Variants in LLGL2 observed in about 807,000 individuals in gnomAD.
The protein encoded by LLGL2 is LLGL scribble cell polarity complex component 2.
A neutral mutation model predicts 123.2 loss-of-function variants in LLGL2; 81 were observed. The observed-to-expected ratio is 0.66, with a 90% confidence interval of 0.55 to 0.79. The LOEUF is 0.79. Ranked by LOEUF, LLGL2 falls within the 30% of genes least tolerant of loss-of-function variation. The pLI is 0.00. For missense variants in LLGL2, 1,273 were observed against 1,414.6 expected (o/e 0.90, Z 1.61); for synonymous variants, 577 against 594.1 (o/e 0.97, Z 0.42).
chr17:75,549,813 C>T lies in LLGL2; in HGVS notation c.76-6233C>T, dbSNP rs920544918. On this transcript the variant is annotated intron_variant, in intron 2 of 25. Coordinates refer to ENST00000392550, the MANE Select transcript of LLGL2 (RefSeq NM_001031803.2). The surrounding 1 kb of genome is among the most constrained non-coding windows in gnomAD (Gnocchi z 4.0). Reference sequence around the variant, plus strand: ...CCCTGGCTGCAGGCAGGATGAAGGCCCCACTGTCTCTGACAGCCAGCCTTT... The same window carrying T: ...CCCTGGCTGCAGGCAGGATGAAGGCTCCACTGTCTCTGACAGCCAGCCTTT... Among the ~76,000 whole-genome samples the T allele has an allele frequency of 5.9e-5, 9 of 152,200 alleles. No homozygotes were observed. Among genetic ancestry groups the T allele is most frequent in the Non-Finnish European group, 1.3e-4 (9 of 68,022 alleles).
chr17:75,571,165 G>A (rs2055691328), intron 17 of LLGL2, 65 bp downstream of exon 17: 4 of 1,466,096 alleles, frequency 2.7e-6, no homozygotes, highest in Non-Finnish European at 3.7e-6. Context: ...CTGACCTGGG[G>A]GCATGCCGGG....
chr17:75,568,796 A>G lies in LLGL2; in HGVS notation c.1279A>G (p.Ser427Gly). Residue 427 changes from serine to glycine, a missense_variant, in exon 12 of 26, where the codon AGC becomes GGC. Physicochemically the swap from Ser to Gly is moderately conservative, Grantham distance 56. Transcript: ENST00000392550. ...TMEWPIDGGT[S>G]LTPAPPQRDL... ...GGAGTGGCCAATTGATGGTGGCACC[A>G]GCCTGACCCCAGCCCCACCCCAGAG... 3 of 1,602,508 alleles carry G rather than the reference A, an allele frequency of 1.9e-6. No individual in the cohort carries two copies. The highest frequency in any genetic ancestry group is 2.6e-6 in the Non-Finnish European group (3 of 1,173,370).
In LLGL2 at chr17:75,568,513, G is replaced by A; in HGVS notation, c.1074G>A (p.Glu358=). 1 of 1,613,462 alleles carries A rather than the reference G, an allele frequency of 6.2e-7. No individual in the cohort carries two copies. Among genetic ancestry groups the A allele is most frequent in the Non-Finnish European group, 8.5e-7 (1 of 1,179,998 alleles). Residue 358 remains glutamate, a synonymous_variant, in exon 11 of 26, where the codon GAG becomes GAA. Coordinates refer to ENST00000392550, the MANE Select transcript of LLGL2 (RefSeq NM_001031803.2). ...DDPYALVVLA[E]EELVVIDLQT... is the part of the protein sequence containing the mutation. ...CCTATGCCCTGGTGGTGCTGGCTGA[G>A]GAGGAGCTGGTGGTGATTGACCTGC...
At chr17:75,536,828 T>TTTATTTA (rs2054019986) in intron 1 of LLGL2, among the ~76,000 whole-genome samples, 1 of 152,214 alleles carries the variant, frequency 6.6e-6, no homozygotes, top group Admixed American at 6.5e-5. Flanking sequence ...CATTTATTTA[T>TTTATTTA]TTATTTATTT....
chr17:75,563,933 C>T, intron 9 of LLGL2, 127 bp downstream of exon 9: 1 of 931,368 alleles, frequency 1.1e-6, no homozygotes, highest in East Asian at 2.5e-5. Context: ...GGGTCTTGGA[C>T]ACCAGGGAGG....
rs1364285637 is a variant in LLGL2, at chr17:75,544,788, TGGGAGGA to T, written c.75+1289_75+1295del. 6.6e-6 allele frequency among the ~76,000 whole-genome samples: 1 copy of T among 152,130 alleles called. No individual in the cohort carries two copies. The highest frequency in any genetic ancestry group is 2.4e-5 in the African/African-American group (1 of 41,430). ...ATTTCTCTCTGTGTTTCTTAGCCTG[TGGGAGGA>T]GTTGGTGTCCCTGATGGAGCTTTGC... On this transcript the variant is annotated intron_variant, in intron 2 of 25. Transcript: ENST00000392550. This position sits in a 1 kb window ranked among gnomAD's most constrained non-coding sequence, Gnocchi z 4.2.
chr17:75,543,489 C>T lies in LLGL2; in HGVS notation c.63C>T (p.Phe21=), dbSNP rs1054439001. The T allele has an allele frequency of 6.2e-7, 1 of 1,611,032 alleles. No individual in the cohort carries two copies. Among genetic ancestry groups the T allele is most frequent in the Admixed American group, 1.7e-5 (1 of 59,650 alleles). ...PVRERLKRDL[F]QFNKTVEHGF... is the part of the protein sequence containing the mutation. ...GGGAGAGGCTCAAGCGGGACCTGTTCCAGTTTAACAAGGTAAGTTAGGGAG... is the reference window on the plus strand; with the variant it reads ...GGGAGAGGCTCAAGCGGGACCTGTTTCAGTTTAACAAGGTAAGTTAGGGAG... Residue 21 remains phenylalanine, a synonymous_variant, in exon 2 of 26, where the codon TTC becomes TTT. Coordinates refer to ENST00000392550, the MANE Select transcript of LLGL2 (RefSeq NM_001031803.2).
At chr17:75,557,805 G>C (rs2054984293) in intron 3 of LLGL2, 2 of 369,606 alleles carry the variant, frequency 5.4e-6, no homozygotes, top group Non-Finnish European at 1.1e-5. Flanking sequence ...GGGGTGCCGT[G>C]TGTTTTTTCA....
intron 2 of LLGL2, among the ~76,000 whole-genome samples, chr17:75,551,823 A>G: frequency 6.6e-6 from 1 of 152,246 alleles, no homozygotes; most frequent in East Asian, 1.9e-4. Flanking sequence ...TAAACACGTG[A>G]AATTAATTTT....
At chr17:75,573,656 T>TGGC in intron 21 of LLGL2, 25 bp downstream of exon 21, 9 of 1,428,980 alleles carry the variant, frequency 6.3e-6, no homozygotes, top group Non-Finnish European at 8.4e-6. Context: ...CAGAGGCCTC[T>TGGC]CCCGCCCCTC....
rs200484278 is a variant in LLGL2 at position 75,571,036 on chromosome 17, G to A, written c.2112G>A (p.Ser704=). The A allele has an allele frequency of 7.0e-5, 113 of 1,613,012 alleles. No homozygotes were observed. The Admixed American group carries it at 1.1e-3, about 16-fold the overall frequency. The change falls in exon 17 of 26, where the codon TCG becomes TCA. Residue 704 remains serine, a synonymous_variant. Coordinates refer to ENST00000392550, the MANE Select transcript of LLGL2 (RefSeq NM_001031803.2). The part of the protein sequence containing the change: ...APVQRKIEAR[S]AEDSFTGFVR... ...TGCAGCGCAAGATCGAGGCTCGCTC[G>A]GCAGAGGACTCCTTCACAGGCTTCG...
chr17:75,528,829 G>A (rs561924483), intron 1 of LLGL2, among the ~76,000 whole-genome samples: 2 of 152,142 alleles, frequency 1.3e-5, no homozygotes, highest in East Asian at 3.9e-4. Context: ...CCCATAGTGG[G>A]AAAAAGGAAA....
At chr17:75,527,636 T>A (rs1375174662) in intron 1 of LLGL2, among the ~76,000 whole-genome samples, 4 of 152,122 alleles carry the variant, frequency 2.6e-5, no homozygotes, top group Non-Finnish European at 4.4e-5. Flanking sequence ...AATAATATGT[T>A]TTTTAATTTG....
At chr17:75,536,193 A>G (rs925836126) in intron 1 of LLGL2, among the ~76,000 whole-genome samples, 3 of 152,154 alleles carry the variant, frequency 2.0e-5, no homozygotes, top group Admixed American at 2.0e-4. Flanking sequence ...GAGAAGCCTC[A>G]TCTCAGAGGT....
At chr17:75,535,381 C>T (rs968568094) in intron 1 of LLGL2, among the ~76,000 whole-genome samples, 1 of 152,262 alleles carries the variant, frequency 6.6e-6, no homozygotes, top group Admixed American at 6.5e-5. Context: ...AGGCAGCTGG[C>T]GCTGGGTGCG....
chr17:75,541,555 T>C (rs2147182714), intron 1 of LLGL2, among the ~76,000 whole-genome samples: 1 of 152,256 alleles, frequency 6.6e-6, no homozygotes, highest in South Asian at 2.1e-4. Context: ...TCCCCACCTC[T>C]GGTCTGACTC....
chr17:75,546,015 A>T (rs2054407024), intron 2 of LLGL2: 1 of 152,282 alleles, frequency 6.6e-6, no homozygotes, highest in Non-Finnish European at 1.5e-5. Context: ...AAGATGTGAC[A>T]ACCAAGAATG....
At chr17:75,539,162 A>G (rs375381975) in intron 1 of LLGL2, among the ~76,000 whole-genome samples, 2 of 152,214 alleles carry the variant, frequency 1.3e-5, no homozygotes. Context: ...AGGCTCAGCA[A>G]TCCTTCCACC....
rs2054459805 is a variant in LLGL2 at position 75,547,011 on chromosome 17, A to C, written c.75+3510A>C. Reference sequence around the variant, plus strand: ...GTCCTGGAAGGCCAGTCTGCTGGGTACTGTGACAGCTGGGACAGTGGCGCC... The same window carrying C: ...GTCCTGGAAGGCCAGTCTGCTGGGTCCTGTGACAGCTGGGACAGTGGCGCC... On this transcript the variant is annotated intron_variant, in intron 2 of 25. Coordinates refer to ENST00000392550, the MANE Select transcript of LLGL2 (RefSeq NM_001031803.2). Among the ~76,000 whole-genome samples, 3 of 152,296 alleles carry C rather than the reference A, an allele frequency of 2.0e-5. No individual in the cohort carries two copies. The South Asian group carries it at 6.2e-4, about 32-fold the overall frequency.
Sources: gnomAD v4.1 joint callset for allele counts (sites outside exome capture counted in the v4.1 genomes callset) on GRCh38, gnomAD v4.1.1 for gene constraint, Gnocchi (gnomAD v3.1) non-coding constraint, MANE v1.5 for transcripts, NCBI Gene and HGNC (gene_info 2026-07-23, HGNC 2026-07-21) for gene names.